PRTG: variants seen among roughly 807,000 people sequenced by gnomAD.
The protein encoded by PRTG is immunoglobulin superfamily, DCC subclass, member 5.
Under a neutral mutation model 122.5 loss-of-function variants are expected in PRTG, and 67 were observed. The observed-to-expected ratio is 0.55, with a 90% CI of 0.45 to 0.67. The LOEUF is 0.67. PRTG is among the 30% of genes least tolerant of loss of function. The pLI, the probability that PRTG is intolerant of heterozygous loss-of-function variation, is 0.00. For missense variants in PRTG, 1,435 were observed against 1,415.4 expected (o/e 1.01, Z -0.22); for synonymous variants, 554 against 501.1 (o/e 1.11, Z -1.41).
intron 12 of PRTG, 122 bp from the exon 13 acceptor site, chr15:55,639,950 G>A: frequency 6.8e-7 from 1 of 1,475,502 alleles, no homozygotes; most frequent in Non-Finnish European, 9.0e-7. Context: ...TTCCACCAGA[G>A]ATTCATAGTG....
At chr15:55,632,231 T>C (rs2059231599) in intron 15 of PRTG, among the ~76,000 whole-genome samples, 1 of 152,238 alleles carries the variant, frequency 6.6e-6, no homozygotes, top group Non-Finnish European at 1.5e-5. Context: ...CCCAGTGATC[T>C]GGCTTCTGTT....
chr15:55,669,068 C>T (rs894323478), intron 11 of PRTG, among the ~76,000 whole-genome samples: 7 of 151,878 alleles, frequency 4.6e-5, no homozygotes, highest in East Asian at 1.9e-4. Context: ...TAAGTTCATT[C>T]GTCTTTTTCT....
chr15:55,715,949 T>C (rs1244226973), intron 2 of PRTG, among the ~76,000 whole-genome samples: 2 of 152,182 alleles, frequency 1.3e-5, no homozygotes, highest in Non-Finnish European at 2.9e-5. Context: ...ATAAAACTAT[T>C]AAAACGCCCA....
chr15:55,713,945 G>A (rs1342737023), intron 2 of PRTG, among the ~76,000 whole-genome samples: 4 of 151,922 alleles, frequency 2.6e-5, no homozygotes, highest in African/African-American at 9.7e-5. Flanking sequence ...TTCTTCATGG[G>A]TTAGGCTTTC....
At position 55,639,786 on chromosome 15, in the gene PRTG, T is replaced by C; in HGVS notation, c.2180A>G (p.His727Arg). 6.2e-7 allele frequency: 1 copy of C among 1,614,084 alleles called. No individual in the cohort carries two copies. The highest frequency in any genetic ancestry group is 8.5e-7 in the Non-Finnish European group (1 of 1,179,998). The change falls in exon 13 of 20, where the codon CAT (histidine) becomes CGT (arginine). Residue 727 changes from histidine (H) to arginine (R), a missense_variant. Transcript: ENST00000389286. ...TGAGGTGTTAGCCTTCGCATAGAGA[T>C]GGTGGGGTGGTGGTGGAGGAGGGAC... Reference protein sequence around the residue: ...RMVPPPPPPHHLYAKANTSSS... With the variant: ...RMVPPPPPPHRLYAKANTSSS...
At chr15:55,711,635 CA>C (rs2030392126) in intron 2 of PRTG, among the ~76,000 whole-genome samples, 1 of 152,266 alleles carries the variant, frequency 6.6e-6, no homozygotes, top group East Asian at 1.9e-4. Flanking sequence ...TCACCCCAAC[CA>C]ACAACCAACT....
intron 18 of PRTG, among the ~76,000 whole-genome samples, chr15:55,622,431 T>G (rs2059171827): frequency 6.7e-6 from 1 of 148,678 alleles, no homozygotes; most frequent in African/African-American, 2.5e-5. Context: ...TCACCCAGGT[T>G]GGATTGTAGT....
rs1286728262 is a variant in PRTG at position 55,617,340 on chromosome 15, G to A, written c.*2672C>T. 1.3e-5 allele frequency: 2 copies of A among 151,964 alleles called. No homozygotes were observed. The highest frequency in any genetic ancestry group is 2.9e-5 in the Non-Finnish European group (2 of 67,950). 9.4% of individuals were successfully genotyped at this position (151,964 alleles called of 1,614,324 possible). ...AACTATACCTGAAATTCTTTGGAAC[G>A]ATCTGCTGGTAAAGAAAGTATTACA... On this transcript the variant is annotated 3_prime_UTR_variant, in exon 20 of 20. Transcript: ENST00000389286.
At position 55,675,596 on chromosome 15, in the gene PRTG, G is replaced by A; in HGVS notation, c.1469C>T (p.Thr490Ile). ...IDDLEPASNY[T>I]FYIVAYMPMG... ...TGGCATATATGCTACAATGTAGAAA[G>A]TATAATTGCTGGCAGGCTCTAAGTC... The change falls in exon 9 of 20, where the codon ACT (threonine) becomes ATT (isoleucine). Residue 490 changes from threonine to isoleucine, a missense_variant. Physicochemically the swap from Thr to Ile is moderately conservative, Grantham distance 89. Coordinates refer to ENST00000389286, the MANE Select transcript of PRTG (RefSeq NM_173814.6). 1.2e-6 allele frequency: 2 copies of A among 1,609,792 alleles called. No individual in the cohort carries two copies. The highest frequency in any genetic ancestry group is 1.7e-6 in the Non-Finnish European group (2 of 1,176,314).
At chr15:55,675,475 T>C (rs754924063) in intron 9 of PRTG, 44 bp downstream of exon 9, 1 of 1,374,222 alleles carries the variant, frequency 7.3e-7, no homozygotes, top group South Asian at 1.4e-5. Context: ...TGACAAAACA[T>C]ACGAATGTTC....
At chr15:55,684,188 G>A (rs1052112653) in intron 2 of PRTG, among the ~76,000 whole-genome samples, 1 of 152,184 alleles carries the variant, frequency 6.6e-6, no homozygotes, top group Non-Finnish European at 1.5e-5. Flanking sequence ...GAGATAAAAA[G>A]TTAACATATG....
chr15:55,663,642 A>G (rs181522287), intron 11 of PRTG, among the ~76,000 whole-genome samples: 147 of 151,896 alleles, frequency 9.7e-4, no homozygotes, highest in Non-Finnish European at 1.9e-3. Flanking sequence ...CCCAGGTTCA[A>G]GTGATTCTCC....
At chr15:55,635,105 T>G (rs7182068) in intron 15 of PRTG, among the ~76,000 whole-genome samples, 17,433 of 56,558 alleles carry the variant, frequency 0.31, 1,050 homozygotes, top group African/African-American at 0.35. Context: ...GTGTGTGTGT[T>G]TTTTGAGACA....
chr15:55,613,511 C>T lies in PRTG; in HGVS notation c.*6501G>A, dbSNP rs1379857186. ...TCTAAGTACAAACAGCCTTCAGACA[C>T]AATTTTAGCTGAGATAAATGGAAGG... On this transcript the variant is annotated 3_prime_UTR_variant, in exon 20 of 20. Transcript: ENST00000389286. 6.6e-6 allele frequency: 1 copy of T among 152,034 alleles called. No individual in the cohort carries two copies. The highest frequency in any genetic ancestry group is 6.6e-5 in the Admixed American group (1 of 15,228). The allele number at this position is 152,034 out of a possible 1,614,324, so 9.4% of individuals were successfully genotyped here. A position where few individuals can be genotyped will look rare whatever the true frequency, so the allele number is the denominator to read the frequency against.
At chr15:55,681,262 A>AT (rs1441884584) in intron 4 of PRTG, 1 of 152,074 alleles carries the variant, frequency 6.6e-6, no homozygotes, top group East Asian at 1.9e-4. Context: ...AAAGCATAGC[A>AT]TTAAATACAT....
rs2141818615 is a variant in PRTG at position 55,683,810 on chromosome 15, T to C, written c.519A>G (p.Thr173=). 3 of 1,613,936 alleles carry C rather than the reference T, an allele frequency of 1.9e-6. No homozygotes were observed. The highest frequency in any genetic ancestry group is 2.5e-6 in the Non-Finnish European group (3 of 1,179,884). The change falls in exon 3 of 20, where the codon ACA becomes ACG. Residue 173 remains threonine, a synonymous_variant. Transcript: ENST00000389286. ...ACCTGTCCATAGTCATAGGTAGAGT[T>C]GTCCGATTGAACTCCCATGTTATGA... The part of the protein sequence containing the change: ...PAVITWEFNR[T]TLPMTMDRIT...
At chr15:55,737,478 G>A (rs959287020) in intron 2 of PRTG, among the ~76,000 whole-genome samples, 1 of 152,148 alleles carries the variant, frequency 6.6e-6, no homozygotes, top group African/African-American at 2.4e-5. Flanking sequence ...TGGGAGATAA[G>A]GCTCCATAGT....
At chr15:55,627,375 G>C (rs2059201047) in intron 16 of PRTG, among the ~76,000 whole-genome samples, 1 of 145,344 alleles carries the variant, frequency 6.9e-6, no homozygotes, top group African/African-American at 2.5e-5. Context: ...GCCCAGGCTA[G>C]TGCAGTGGCG....
At chr15:55,669,815 T>C (rs1047569012) in intron 11 of PRTG, among the ~76,000 whole-genome samples, 4 of 152,214 alleles carry the variant, frequency 2.6e-5, no homozygotes, top group African/African-American at 9.6e-5. Flanking sequence ...GAGGTCTCTG[T>C]TATCCTGAAC....
Sources: gnomAD v4.1 joint callset for allele counts (sites outside exome capture counted in the v4.1 genomes callset) on GRCh38, gnomAD v4.1.1 for gene constraint, MANE v1.5 for transcripts, NCBI Gene and HGNC (gene_info 2026-07-23, HGNC 2026-07-21) for gene names.